Variants in ACSS3 observed in about 807,000 individuals in gnomAD.
ACSS3 encodes the protein acyl-CoA synthetase short chain family member 3, also known as acyl-CoA synthetase short-chain family member 3, mitochondrial.
In ACSS3, 64 loss-of-function variants were observed where a neutral mutation model predicts 84.2. That is an observed-to-expected ratio of 0.76 (90% CI 0.62 to 0.94). The LOEUF (loss-of-function observed/expected upper bound fraction) is 0.94, where lower values mean the gene tolerates loss of function less well. Among genes scored for constraint, ACSS3 ranks in the 40% least tolerant of loss-of-function variants. ACSS3 has a pLI of 0.00. For missense variants in ACSS3, 815 were observed against 867.6 expected, an observed-to-expected ratio of 0.94 and a Z score of 0.76; for synonymous variants, 317 against 310.1, an observed-to-expected ratio of 1.02 and a Z score of -0.23.
At chr12:81,098,532 T>A (rs2121396537) in intron 1 of ACSS3, among the ~76,000 whole-genome samples, 1 of 152,302 alleles carries the variant, frequency 6.6e-6, no homozygotes, top group South Asian at 2.1e-4. Context: ...CTATTGATGA[T>A]GTTAAATGAA....
chr12:81,134,073 G>GAA (rs71442000), intron 2 of ACSS3, among the ~76,000 whole-genome samples: 1 of 134,646 alleles, frequency 7.4e-6, no homozygotes, highest in African/African-American at 2.7e-5. Context: ...CTCAAAAACA[G>GAA]AAAAAAAAAA....
At chr12:81,231,180 TC>T in intron 12 of ACSS3, 42 bp downstream of exon 12, 1 of 1,468,418 alleles carries the variant, frequency 6.8e-7, no homozygotes, top group Non-Finnish European at 9.4e-7. Context: ...TATGTACTTT[TC>T]TATAATTCTT....
At chr12:81,087,300 A>G (rs1881380599) in intron 1 of ACSS3, among the ~76,000 whole-genome samples, 1 of 152,166 alleles carries the variant, frequency 6.6e-6, no homozygotes, top group Non-Finnish European at 1.5e-5. Flanking sequence ...ATGGTAGAAT[A>G]ACAACACTTG....
intron 2 of ACSS3, among the ~76,000 whole-genome samples, chr12:81,128,065 G>T (rs2574741): frequency 0.49 from 74,117 of 151,794 alleles, 18,321 homozygotes; most frequent in East Asian, 0.62. Flanking sequence ...ACTTCTGTCT[G>T]ATGCATTATA....
chr12:81,145,451 T>A (rs910183897), intron 5 of ACSS3, among the ~76,000 whole-genome samples: 2 of 152,150 alleles, frequency 1.3e-5, no homozygotes, highest in Non-Finnish European at 2.9e-5. Flanking sequence ...AGTACAGTCC[T>A]TCTAGTCTAG....
chr12:81,213,244 G>A (rs569809292), intron 9 of ACSS3, among the ~76,000 whole-genome samples: 1 of 152,236 alleles, frequency 6.6e-6, no homozygotes, highest in Non-Finnish European at 1.5e-5. Context: ...AAGGATTGCA[G>A]CATGCTTAGG....
At chr12:81,122,300 GC>G (rs1279040157) in intron 2 of ACSS3, among the ~76,000 whole-genome samples, 1 of 151,788 alleles carries the variant, frequency 6.6e-6, no homozygotes, top group Non-Finnish European at 1.5e-5. Context: ...GAACTCATGG[GC>G]CCTGAGAATA....
intron 13 of ACSS3, among the ~76,000 whole-genome samples, chr12:81,245,176 A>T (rs2033942209): frequency 6.6e-6 from 1 of 152,086 alleles, no homozygotes; most frequent in Non-Finnish European, 1.5e-5. Flanking sequence ...TTAAAATAGG[A>T]TGAGGGCTGG....
At chr12:81,169,144 T>C (rs1016055631) in intron 7 of ACSS3, among the ~76,000 whole-genome samples, 1 of 152,116 alleles carries the variant, frequency 6.6e-6, no homozygotes, top group East Asian at 1.9e-4. Flanking sequence ...TAATGTTAGA[T>C]GGTGGTGTGA....
At chr12:81,132,261 C>T (rs1565995927) in intron 2 of ACSS3, among the ~76,000 whole-genome samples, 1 of 151,718 alleles carries the variant, frequency 6.6e-6, no homozygotes, top group African/African-American at 2.4e-5. Context: ...TGGTCCTGGA[C>T]TTTTTTTTGG....
intron 2 of ACSS3, among the ~76,000 whole-genome samples, chr12:81,119,041 G>A (rs1234363350): frequency 1.3e-5 from 2 of 152,046 alleles, no homozygotes; most frequent in Admixed American, 6.6e-5. Context: ...AGTGTCGGCC[G>A]ATCTGAGAAA....
intron 1 of ACSS3, among the ~76,000 whole-genome samples, chr12:81,104,985 T>A (rs1237746259): frequency 1.3e-5 from 2 of 152,188 alleles, no homozygotes; most frequent in African/African-American, 4.8e-5. Flanking sequence ...AGAGCGTATG[T>A]TAAATCAGGT....
At chr12:81,190,035 G>T (rs1251268617) in intron 8 of ACSS3, among the ~76,000 whole-genome samples, 4 of 152,044 alleles carry the variant, frequency 2.6e-5, no homozygotes, top group Non-Finnish European at 5.9e-5. Flanking sequence ...CTACTTGTTT[G>T]TATTCACATT....
intron 8 of ACSS3, among the ~76,000 whole-genome samples, chr12:81,175,759 G>T (rs910635314): frequency 2.0e-5 from 3 of 152,112 alleles, no homozygotes; most frequent in African/African-American, 7.2e-5. Context: ...TGACTTTTGG[G>T]TAAACAATGA....
chr12:81,194,559 A>G (rs975386007), intron 8 of ACSS3, among the ~76,000 whole-genome samples: 1 of 151,816 alleles, frequency 6.6e-6, no homozygotes, highest in African/African-American at 2.4e-5. Flanking sequence ...AATGGAAGGG[A>G]TTTTTCTGAC....
intron 11 of ACSS3, among the ~76,000 whole-genome samples, chr12:81,221,746 A>C (rs1270738314): frequency 6.6e-6 from 1 of 152,148 alleles, no homozygotes; most frequent in Non-Finnish European, 1.5e-5. Context: ...CAGGGGAAGA[A>C]GGGAAGGGCT....
chr12:81,206,621 G>A (rs199502864), intron 9 of ACSS3, among the ~76,000 whole-genome samples: 4 of 152,060 alleles, frequency 2.6e-5, no homozygotes, highest in African/African-American at 9.7e-5. Context: ...CATCCATCTG[G>A]TGAGAGAGAA....
intron 7 of ACSS3, among the ~76,000 whole-genome samples, chr12:81,165,824 T>G (rs183874685): frequency 2.0e-5 from 3 of 152,144 alleles, no homozygotes; most frequent in Non-Finnish European, 4.4e-5. Context: ...CTGCACTAGG[T>G]TTTTAAGGGA....
At position 81,216,647 on chromosome 12, in the gene ACSS3, G is replaced by A. The variant is rs549605298; in HGVS notation, c.1355-254G>A. On this transcript the variant is annotated intron_variant, in intron 9 of 15. Coordinates refer to ENST00000548058, the MANE Select transcript of ACSS3 (RefSeq NM_024560.4). Reference sequence around the variant, plus strand: ...ATCCACAATTGCAAACGCTAGAGCAGCCTTTCTTTTCTTTAGAAGAAACAC... The same window carrying A: ...ATCCACAATTGCAAACGCTAGAGCAACCTTTCTTTTCTTTAGAAGAAACAC... Among the ~76,000 whole-genome samples the A allele has an allele frequency of 1.8e-4, 28 of 152,166 alleles. No individual in the cohort carries two copies. The South Asian group carries it at 5.6e-3, about 30-fold the overall frequency.
Sources: gnomAD v4.1 joint callset for allele counts (sites outside exome capture counted in the v4.1 genomes callset) on GRCh38, gnomAD v4.1.1 for gene constraint, MANE v1.5 for transcripts, NCBI Gene and HGNC (gene_info 2026-07-23, HGNC 2026-07-21) for gene names.